The following CCDC171 variants were observed in gnomAD, a reference collection of about 807,000 sequenced individuals.
CCDC171 encodes coiled-coil domain containing 171, also known as coiled-coil domain-containing protein 171.
Under a neutral mutation model 168.2 loss-of-function variants are expected in CCDC171, and 177 were observed. The ratio of observed to expected loss-of-function variants is 1.05; its 90% CI spans 0.93 to 1.19. The LOEUF (loss-of-function observed/expected upper bound fraction) is 1.19. Ranked by LOEUF, CCDC171 falls within the 50% of genes most tolerant of loss-of-function variation. CCDC171 has a pLI of 0.00. For synonymous variants in CCDC171, 687 were observed against 540.8 expected, an observed-to-expected ratio of 1.27 and a Z score of -3.75; for missense variants, 1,991 against 1,539.0, an observed-to-expected ratio of 1.29 and a Z score of -4.91.
At chr9:15,569,786 G>A (rs2040056709) in intron 2 of CCDC171, among the ~76,000 whole-genome samples, 1 of 151,032 alleles carries the variant, frequency 6.6e-6, no homozygotes, top group African/African-American at 2.4e-5. Context: ...CTGCACTCCA[G>A]CCTGGGCGAC....
At chr9:15,905,366 GCTCA>G (rs1026250957) in intron 24 of CCDC171, among the ~76,000 whole-genome samples, 31 of 152,262 alleles carry the variant, frequency 2.0e-4, no homozygotes, top group African/African-American at 7.2e-4. Context: ...GGATTCAGAA[GCTCA>G]CTCACAACCG....
intron 18 of CCDC171, among the ~76,000 whole-genome samples, chr9:15,761,254 A>T (rs1441677081): frequency 1.3e-5 from 2 of 152,130 alleles, no homozygotes; most frequent in Non-Finnish European, 2.9e-5. Context: ...GCGTACTTTG[A>T]GTTAACTTTC....
At chr9:15,623,465 G>GCGCGCGCGCGCGCGCGCGCA (rs764237918) in intron 7 of CCDC171, 52 bp downstream of exon 7, 10 of 552,316 alleles carry the variant, frequency 1.8e-5, no homozygotes, top group South Asian at 2.3e-5. Flanking sequence ...TTTCACATAT[G>GCGCGCGCGCGCGCGCGCGCA]CGCGCGCGCG....
At chr9:15,710,704 T>C (rs1211837142) in intron 11 of CCDC171, among the ~76,000 whole-genome samples, 1 of 152,130 alleles carries the variant, frequency 6.6e-6, no homozygotes, top group Non-Finnish European at 1.5e-5. Context: ...CAAGCGATTC[T>C]CCTGCCTCAT....
intron 11 of CCDC171, among the ~76,000 whole-genome samples, chr9:15,706,801 A>G (rs1333406796): frequency 6.6e-6 from 1 of 151,936 alleles, no homozygotes; most frequent in East Asian, 1.9e-4. Context: ...AATTTGTAAT[A>G]CTCTAGAGGT....
intron 21 of CCDC171, among the ~76,000 whole-genome samples, chr9:15,836,790 A>G (rs1276019992): frequency 6.6e-6 from 1 of 152,164 alleles, no homozygotes; most frequent in East Asian, 1.9e-4. Context: ...GGGTATATAT[A>G]ATCTTCTTTC....
In CCDC171 at chr9:15,818,416, G is replaced by A. The variant is rs199846180; in HGVS notation, c.3268-28286G>A. Among the ~76,000 whole-genome samples the A allele has an allele frequency of 3.4e-5, 4 of 116,590 alleles. 1 individual carries two copies. The highest frequency in any genetic ancestry group is 1.3e-4 in the African/African-American group (4 of 30,880). 76.5% of individuals were successfully genotyped at this position (116,590 alleles called of 152,430 possible). On this transcript the variant is annotated intron_variant, in intron 21 of 25. Transcript: ENST00000380701. ...TACTCCGAGCTAAAGGAGGAAGTTC[G>A]AACGAATGGCAAAGAAGTTAAAAAC...
intron 3 of CCDC171, among the ~76,000 whole-genome samples, chr9:15,990,897 C>A (rs921903179): frequency 2.0e-5 from 3 of 152,140 alleles, no homozygotes; most frequent in Non-Finnish European, 4.4e-5. Flanking sequence ...ATATATGCAC[C>A]CAATACAGGA....
chr9:15,778,644 A>AAAAAAAAAAAAAAAAAC (rs2057482226), intron 19 of CCDC171, among the ~76,000 whole-genome samples: 1 of 14,296 alleles, frequency 7.0e-5, no homozygotes, highest in African/African-American at 1.5e-4. Context: ...AGACTGTCTC[A>AAAAAAAAAAAAAAAAAC]AAAAAAAAAA....
At chr9:15,927,299 T>A (rs191226413) in intron 25 of CCDC171, among the ~76,000 whole-genome samples, 6 of 151,764 alleles carry the variant, frequency 4.0e-5, no homozygotes, top group African/African-American at 1.4e-4. Context: ...TTATAATAAC[T>A]AGAAAGGGCT....
At chr9:15,683,638 T>C (rs1398716316) in intron 10 of CCDC171, among the ~76,000 whole-genome samples, 7 of 152,092 alleles carry the variant, frequency 4.6e-5, no homozygotes, top group Non-Finnish European at 1.0e-4. Flanking sequence ...TAAATATTCC[T>C]TTTAGGAGGC....
chr9:15,997,885 G>T (rs142586374), intron 3 of CCDC171, among the ~76,000 whole-genome samples: 3 of 152,244 alleles, frequency 2.0e-5, no homozygotes, highest in African/African-American at 7.2e-5. Flanking sequence ...TTACCCCACA[G>T]TGGAACAGAA....
intron 7 of CCDC171, among the ~76,000 whole-genome samples, chr9:15,656,068 C>G (rs1008641867): frequency 3.9e-5 from 6 of 152,108 alleles, no homozygotes; most frequent in African/African-American, 1.4e-4. Context: ...GCCTGTAATC[C>G]TAGCACTTTG....
At chr9:15,869,309 G>T (rs1446291687) in intron 23 of CCDC171, among the ~76,000 whole-genome samples, 1 of 151,942 alleles carries the variant, frequency 6.6e-6, no homozygotes. Context: ...TATCCATTTA[G>T]ATGTAACCAT....
the CCDC171 span, among the ~76,000 whole-genome samples, chr9:16,088,923 A>G: frequency 6.6e-6 from 1 of 152,124 alleles, no homozygotes; most frequent in Non-Finnish European, 1.5e-5. Flanking sequence ...AGCAAAAAGA[A>G]CGAAGCTGGA....
chr9:15,577,658 A>G (rs1208025941), intron 3 of CCDC171, among the ~76,000 whole-genome samples: 1 of 152,254 alleles, frequency 6.6e-6, no homozygotes, highest in African/African-American at 2.4e-5. Context: ...ACAAAGGGAC[A>G]TTAATAGCGG....
chr9:15,936,140 C>T (rs888867503), intron 25 of CCDC171, among the ~76,000 whole-genome samples: 1 of 152,018 alleles, frequency 6.6e-6, no homozygotes, highest in African/African-American at 2.4e-5. Context: ...GAGGACTATG[C>T]TTTGCAGCAC....
intron 22 of CCDC171, among the ~76,000 whole-genome samples, chr9:15,847,098 A>G (rs532441565): frequency 1.3e-5 from 2 of 152,216 alleles, no homozygotes; most frequent in East Asian, 1.9e-4. Context: ...GGGCTCTGTT[A>G]CAGTGTTACA....
At chr9:15,798,272 C>G (rs1232697386) in intron 21 of CCDC171, among the ~76,000 whole-genome samples, 2 of 152,088 alleles carry the variant, frequency 1.3e-5, no homozygotes, top group Non-Finnish European at 2.9e-5. Flanking sequence ...GATAATTCCT[C>G]TTTCAGTCCT....
Sources: allele counts gnomAD v4.1 joint callset (sites outside exome capture counted in the v4.1 genomes callset), GRCh38; gene constraint gnomAD v4.1.1; transcripts MANE v1.5; gene names NCBI Gene and HGNC (gene_info 2026-07-23, HGNC 2026-07-21).